The following GRID2 variants were observed in gnomAD, a reference collection of about 807,000 sequenced individuals.
The protein encoded by GRID2 is glutamate receptor ionotropic, delta-2.
In GRID2, 33 loss-of-function variants were observed where a neutral mutation model predicts 114.8. That is an observed-to-expected ratio of 0.29 (90% CI 0.22 to 0.38). The LOEUF is 0.38. GRID2 is among the 10% of genes least tolerant of loss of function. GRID2 has a pLI of 1.00. For missense variants in GRID2, 1,184 were observed against 1,257.7 expected (o/e 0.94, Z 0.89); for synonymous variants, 505 against 449.9 (o/e 1.12, Z -1.55).
At chr4:92,898,113 T>C (rs1747302284) in intron 2 of GRID2, among the ~76,000 whole-genome samples, 1 of 152,210 alleles carries the variant, frequency 6.6e-6, no homozygotes, top group African/African-American at 2.4e-5. Context: ...TATATTCTAG[T>C]TATTTCTCAC....
chr4:93,179,106 T>C (rs1739642352), intron 4 of GRID2, among the ~76,000 whole-genome samples: 1 of 152,168 alleles, frequency 6.6e-6, no homozygotes, highest in South Asian at 2.1e-4. Context: ...TGGGAAGAAC[T>C]GGATCTGAGC....
At chr4:93,181,537 A>G (rs961383116) in intron 4 of GRID2, among the ~76,000 whole-genome samples, 2 of 152,222 alleles carry the variant, frequency 1.3e-5, no homozygotes, top group Non-Finnish European at 2.9e-5. Flanking sequence ...TGAAAGTCCC[A>G]ATGGCATCTT....
At chr4:93,354,731 G>A (rs901443531) in intron 8 of GRID2, among the ~76,000 whole-genome samples, 3 of 142,424 alleles carry the variant, frequency 2.1e-5, no homozygotes, top group Non-Finnish European at 4.6e-5. Flanking sequence ...TTATGTATAT[G>A]TAATATTTAT....
chr4:93,739,132 G>A (rs76188140), intron 14 of GRID2, among the ~76,000 whole-genome samples: 7,517 of 152,104 alleles, frequency 0.049, 286 homozygotes, highest in African/African-American at 0.098. Context: ...TTTGCTAAGC[G>A]TTGGTGAAAC....
intron 2 of GRID2, among the ~76,000 whole-genome samples, chr4:92,883,095 C>T (rs536433054): frequency 6.6e-6 from 1 of 152,334 alleles, no homozygotes; most frequent in South Asian, 2.1e-4. Flanking sequence ...TAATTACAGT[C>T]AGTCCTCTCA....
intron 13 of GRID2, among the ~76,000 whole-genome samples, chr4:93,595,605 C>T (rs189885882): frequency 6.6e-6 from 1 of 152,328 alleles, no homozygotes; most frequent in African/African-American, 2.4e-5. Context: ...TATAATTTCT[C>T]TACCATTGTC....
chr4:92,916,584 C>T (rs567568525), intron 2 of GRID2, among the ~76,000 whole-genome samples: 1 of 151,538 alleles, frequency 6.6e-6, no homozygotes, highest in South Asian at 2.1e-4. Flanking sequence ...TTATTCAATT[C>T]CCACCTATGA....
chr4:93,044,704 G>T (rs10516918), intron 2 of GRID2, among the ~76,000 whole-genome samples: 11,546 of 152,132 alleles, frequency 0.076, 588 homozygotes, highest in African/African-American at 0.14. Context: ...TTTACAAGGT[G>T]CATAAGTGAT....
At chr4:92,313,566 G>T (rs187391601) in intron 1 of GRID2, among the ~76,000 whole-genome samples, 1 of 152,176 alleles carries the variant, frequency 6.6e-6, no homozygotes, top group African/African-American at 2.4e-5. Context: ...CCAAGACTAG[G>T]TCATTTAGCA....
At chr4:93,198,829 A>G (rs749828680) in intron 4 of GRID2, among the ~76,000 whole-genome samples, 6 of 152,024 alleles carry the variant, frequency 3.9e-5, no homozygotes, top group Non-Finnish European at 5.9e-5. Context: ...GACTTGAAAA[A>G]CTTTATTTTT....
intron 2 of GRID2, among the ~76,000 whole-genome samples, chr4:92,976,720 A>G (rs1472843978): frequency 1.3e-5 from 2 of 152,142 alleles, no homozygotes; most frequent in African/African-American, 2.4e-5. Context: ...TTAGCAGAGA[A>G]AATTGACTTG....
intron 2 of GRID2, among the ~76,000 whole-genome samples, chr4:92,724,651 C>G (rs1210287260): frequency 6.6e-6 from 1 of 152,128 alleles, no homozygotes; most frequent in East Asian, 1.9e-4. Flanking sequence ...ACTTCTACCA[C>G]TATTAACTGT....
At chr4:93,187,301 G>A (rs1045988059) in intron 4 of GRID2, among the ~76,000 whole-genome samples, 4 of 151,896 alleles carry the variant, frequency 2.6e-5, no homozygotes, top group Non-Finnish European at 5.9e-5. Context: ...TTTTGAGATG[G>A]AGTCTCATTC....
intron 2 of GRID2, among the ~76,000 whole-genome samples, chr4:93,030,038 A>T (rs1316079595): frequency 6.6e-6 from 1 of 152,174 alleles, no homozygotes; most frequent in African/African-American, 2.4e-5. Context: ...TGAATCAAAC[A>T]CAAACTAGAA....
chr4:93,581,518 G>A (rs1736981955), intron 13 of GRID2, among the ~76,000 whole-genome samples: 1 of 152,164 alleles, frequency 6.6e-6, no homozygotes, highest in Admixed American at 6.5e-5. Flanking sequence ...ACAGAGTTAA[G>A]AGGGCTGCTC....
At chr4:93,024,624 T>A (rs1456892416) in intron 2 of GRID2, among the ~76,000 whole-genome samples, 1 of 151,818 alleles carries the variant, frequency 6.6e-6, no homozygotes, top group African/African-American at 2.4e-5. Context: ...ACATTAGTTC[T>A]ACAGTTTGGT....
intron 2 of GRID2, among the ~76,000 whole-genome samples, chr4:92,915,195 C>A (rs1322596184): frequency 1.3e-5 from 2 of 152,128 alleles, no homozygotes; most frequent in Non-Finnish European, 2.9e-5. Flanking sequence ...GGGGAAACCG[C>A]CCCCATTATT....
intron 2 of GRID2, among the ~76,000 whole-genome samples, chr4:93,062,293 C>A (rs1005805395): frequency 1.3e-5 from 2 of 151,880 alleles, no homozygotes; most frequent in African/African-American, 4.8e-5. Context: ...TTATTATTTT[C>A]TTTTCACATT....
At chr4:92,925,756 A>C (rs1288972346) in intron 2 of GRID2, among the ~76,000 whole-genome samples, 1 of 152,040 alleles carries the variant, frequency 6.6e-6, no homozygotes, top group Non-Finnish European at 1.5e-5. Flanking sequence ...ATAGTAACAT[A>C]GTTTTAAAAG....
Sources: gnomAD v4.1 joint callset for allele counts (sites outside exome capture counted in the v4.1 genomes callset) on GRCh38, gnomAD v4.1.1 for gene constraint, MANE v1.5 for transcripts, NCBI Gene and HGNC (gene_info 2026-07-23, HGNC 2026-07-21) for gene names.